Variants in LRRC4C observed in about 807,000 individuals in gnomAD.
LRRC4C encodes leucine-rich repeat-containing protein 4C.
LRRC4C carries 5 observed loss-of-function variants against 33.6 expected under a neutral mutation model. The ratio of observed to expected loss-of-function variants is 0.15; its 90% confidence interval spans 0.08 to 0.31. The LOEUF (loss-of-function observed/expected upper bound fraction) is 0.31, where lower values mean the gene tolerates loss of function less well. Among genes scored for constraint, LRRC4C ranks in the 10% least tolerant of loss-of-function variants. The probability of loss-of-function intolerance (pLI) is 1.00; values close to 1 mark genes in which losing one functional copy is unlikely to be tolerated. For synonymous variants in LRRC4C, 329 were observed against 302.0 expected, an observed-to-expected ratio of 1.09 and a Z score of -0.93; for missense variants, 560 against 796.7, an observed-to-expected ratio of 0.70 and a Z score of 3.58.
chr11:40,661,106 C>T (rs1223740194), intron 2 of LRRC4C, among the ~76,000 whole-genome samples: 1 of 152,010 alleles, frequency 6.6e-6, no homozygotes, highest in African/African-American at 2.4e-5. Flanking sequence ...ATGACAATAT[C>T]CTATCTGGCA....
intron 3 of LRRC4C, among the ~76,000 whole-genome samples, chr11:40,623,298 AATAAGAGTT>A (rs1208208019): frequency 6.6e-6 from 1 of 152,006 alleles, no homozygotes. Flanking sequence ...AATTTCATTA[AATAAGAGTT>A]ATAGGAGGAA....
chr11:40,782,377 G>T (rs1950243482), intron 2 of LRRC4C, among the ~76,000 whole-genome samples: 1 of 151,904 alleles, frequency 6.6e-6, no homozygotes, highest in Non-Finnish European at 1.5e-5. Flanking sequence ...CTTTTAGGGG[G>T]ATGAGAATGA....
At position 40,148,183 on chromosome 11, in the gene LRRC4C, A is replaced by C. The variant is rs370216020; in HGVS notation, c.-95-7330T>G. 2.3e-4 allele frequency among the ~76,000 whole-genome samples: 35 copies of C among 152,190 alleles called. 2 individuals are homozygous for C. The highest frequency in any genetic ancestry group is 8.2e-4 in the African/African-American group (34 of 41,548). On this transcript the variant is annotated intron_variant, in intron 5 of 6. Transcript: ENST00000528697. ...GTGAACAGTGCTGCAATGAACATAT[A>C]AGTGCATGTGTCTTTGTGGTAGAAT...
intron 1 of LRRC4C, among the ~76,000 whole-genome samples, chr11:41,096,627 A>G (rs1940826346): frequency 6.6e-6 from 1 of 152,176 alleles, no homozygotes; most frequent in African/African-American, 2.4e-5. Context: ...GGAGTAAGAA[A>G]GGGAAACAGA....
intron 1 of LRRC4C, among the ~76,000 whole-genome samples, chr11:41,377,985 C>A (rs1953001860): frequency 6.6e-6 from 1 of 152,084 alleles, no homozygotes; most frequent in African/African-American, 2.4e-5. Flanking sequence ...TATTGAGGCT[C>A]CTTTGTTAAT....
chr11:40,695,992 T>C (rs1218341391), intron 2 of LRRC4C, among the ~76,000 whole-genome samples: 4 of 151,048 alleles, frequency 2.6e-5, no homozygotes, highest in African/African-American at 7.3e-5. Flanking sequence ...TGCCACCATA[T>C]ATATGTACAT....
chr11:40,598,891 T>G (rs570665498), intron 3 of LRRC4C, among the ~76,000 whole-genome samples: 1 of 152,048 alleles, frequency 6.6e-6, no homozygotes, highest in East Asian at 1.9e-4. Context: ...CAGAGTGAAA[T>G]GGTGAAGTCT....
intron 4 of LRRC4C, among the ~76,000 whole-genome samples, chr11:40,312,966 A>G (rs1945386103): frequency 6.6e-6 from 1 of 151,952 alleles, no homozygotes; most frequent in African/African-American, 2.4e-5. Context: ...TAAGTCCAAC[A>G]TTTTTGCCAC....
chr11:41,440,956 G>C (rs1428209414), intron 1 of LRRC4C, among the ~76,000 whole-genome samples: 1 of 152,088 alleles, frequency 6.6e-6, no homozygotes, highest in Non-Finnish European at 1.5e-5. Context: ...TATCTTTATA[G>C]CAGTACTAGA....
At chr11:40,370,602 G>A (rs1948409505) in intron 3 of LRRC4C, among the ~76,000 whole-genome samples, 1 of 152,144 alleles carries the variant, frequency 6.6e-6, no homozygotes, top group Non-Finnish European at 1.5e-5. Flanking sequence ...ACCAAGCTGT[G>A]ATTCACATAC....
intron 3 of LRRC4C, among the ~76,000 whole-genome samples, chr11:40,399,840 G>A (rs982876549): frequency 1.3e-5 from 2 of 152,034 alleles, no homozygotes; most frequent in Admixed American, 1.3e-4. Flanking sequence ...AATACCTGGG[G>A]AAACGGGGCA....
chr11:41,339,487 C>T (rs1260369436), intron 1 of LRRC4C, among the ~76,000 whole-genome samples: 4 of 152,004 alleles, frequency 2.6e-5, no homozygotes, highest in Non-Finnish European at 5.9e-5. Flanking sequence ...ATTTTCACAC[C>T]AATACAACAG....
intron 2 of LRRC4C, among the ~76,000 whole-genome samples, chr11:40,766,658 A>C (rs989214044): frequency 6.6e-6 from 1 of 152,124 alleles, no homozygotes; most frequent in Non-Finnish European, 1.5e-5. Context: ...TCTTTGACAC[A>C]TGTATTATTT....
chr11:40,124,247 G>T (rs1373578022), intron 6 of LRRC4C, among the ~76,000 whole-genome samples: 1 of 152,128 alleles, frequency 6.6e-6, no homozygotes, highest in East Asian at 1.9e-4. Context: ...CACTTTGGAA[G>T]TTCTTCAAAA....
intron 1 of LRRC4C, among the ~76,000 whole-genome samples, chr11:41,375,670 T>A (rs1053055846): frequency 6.6e-6 from 1 of 152,128 alleles, no homozygotes; most frequent in Non-Finnish European, 1.5e-5. Flanking sequence ...AGAGCCAAAC[T>A]GGGATATCAC....
intron 1 of LRRC4C, among the ~76,000 whole-genome samples, chr11:41,332,753 G>A (rs1012258531): frequency 6.6e-6 from 1 of 152,140 alleles, no homozygotes; most frequent in African/African-American, 2.4e-5. Context: ...CTTCGGTTCA[G>A]CATTCTATTA....
At chr11:40,726,032 GAAAAT>G (rs1451119179) in intron 2 of LRRC4C, among the ~76,000 whole-genome samples, 1 of 151,760 alleles carries the variant, frequency 6.6e-6, no homozygotes, top group Non-Finnish European at 1.5e-5. Flanking sequence ...ACACAAACCA[GAAAAT>G]ATAGAGGAAA....
chr11:40,796,225 G>T (rs145963716), intron 2 of LRRC4C, among the ~76,000 whole-genome samples: 2 of 152,288 alleles, frequency 1.3e-5, no homozygotes, highest in East Asian at 3.9e-4. Context: ...TAAAATAGAT[G>T]ATAGTAAGGG....
intron 1 of LRRC4C, among the ~76,000 whole-genome samples, chr11:40,967,353 C>T (rs1376642657): frequency 6.6e-6 from 1 of 151,950 alleles, no homozygotes; most frequent in African/African-American, 2.4e-5. Flanking sequence ...AAACACTTCC[C>T]CAAAGCCATA....
Sources: gnomAD v4.1 joint callset for allele counts (sites outside exome capture counted in the v4.1 genomes callset) on GRCh38, gnomAD v4.1.1 for gene constraint, MANE v1.5 for transcripts, NCBI Gene and HGNC (gene_info 2026-07-23, HGNC 2026-07-21) for gene names.